DZANK1: variants seen among roughly 807,000 people sequenced by gnomAD.
DZANK1 encodes the protein double zinc ribbon and ankyrin repeat-containing protein 1.
A neutral mutation model predicts 94.5 loss-of-function variants in DZANK1; 91 were observed. The ratio of observed to expected loss-of-function variants is 0.96; its 90% CI spans 0.81 to 1.15. The LOEUF (loss-of-function observed/expected upper bound fraction) is 1.15. Ranked by LOEUF, DZANK1 falls within the 50% of genes most tolerant of loss-of-function variation. DZANK1 has a pLI of 0.00. For missense variants in DZANK1, 903 were observed against 916.4 expected, an observed-to-expected ratio of 0.99 and a Z score of 0.19; for synonymous variants, 312 against 325.3, an observed-to-expected ratio of 0.96 and a Z score of 0.44.
chr20:18,415,024 A>G (rs2057422323), intron 11 of DZANK1, among the ~76,000 whole-genome samples: 1 of 152,242 alleles, frequency 6.6e-6, no homozygotes, highest in Admixed American at 6.5e-5. Context: ...ATACTTAAAT[A>G]AATACATAGT....
chr20:18,431,654 C>T (rs777648569), intron 9 of DZANK1, among the ~76,000 whole-genome samples: 25 of 152,144 alleles, frequency 1.6e-4, no homozygotes, highest in Non-Finnish European at 1.5e-4. Context: ...CACTTCTCTC[C>T]AGCATCAGAG....
intron 13 of DZANK1, among the ~76,000 whole-genome samples, chr20:18,401,813 C>T (rs1401005467): frequency 2.0e-5 from 3 of 152,182 alleles, no homozygotes; most frequent in Non-Finnish European, 2.9e-5. Context: ...TTTCAGCTCT[C>T]GTAAGGCCTA....
chr20:18,464,544 A>G (rs2059578960), intron 2 of DZANK1, among the ~76,000 whole-genome samples: 1 of 152,180 alleles, frequency 6.6e-6, no homozygotes, highest in Admixed American at 6.5e-5. Context: ...CAAGGTCACT[A>G]GAAGTTGTCA....
intron 2 of DZANK1, 141 bp downstream of exon 2, chr20:18,465,109 T>C (rs1212186884): frequency 1.0e-5 from 6 of 584,886 alleles, no homozygotes; most frequent in Non-Finnish European, 1.8e-5. Context: ...CAGCACTGTT[T>C]CAAATTTTAG....
At chr20:18,385,923 G>T (rs979013198) in intron 19 of DZANK1, among the ~76,000 whole-genome samples, 1 of 152,224 alleles carries the variant, frequency 6.6e-6, no homozygotes, top group Non-Finnish European at 1.5e-5. Flanking sequence ...TTGACCTAGT[G>T]AGGGAGGAGT....
intron 13 of DZANK1, among the ~76,000 whole-genome samples, chr20:18,400,453 G>C (rs2148314536): frequency 6.6e-6 from 1 of 152,348 alleles, no homozygotes; most frequent in South Asian, 2.1e-4. Flanking sequence ...AACTCCCAGT[G>C]CTTCAGGGTT....
At chr20:18,412,904 T>C in intron 12 of DZANK1, 51 bp from the exon 13 acceptor site, 1 of 1,485,938 alleles carries the variant, frequency 6.7e-7, no homozygotes, top group South Asian at 1.2e-5. Flanking sequence ...ATTTAATCAA[T>C]CTTGCATTTT....
intron 8 of DZANK1, among the ~76,000 whole-genome samples, chr20:18,436,046 G>C (rs937598042): frequency 6.6e-6 from 1 of 152,068 alleles, no homozygotes; most frequent in Admixed American, 6.5e-5. Context: ...ACACTCAGAG[G>C]AAAAATAGTC....
Position 18,416,644 on chromosome 20 carries a change from C to G in DZANK1, c.955-1195G>C, listed in dbSNP as rs142829925. Among the ~76,000 whole-genome samples the G allele has an allele frequency of 1.7e-4, 26 of 152,198 alleles. No homozygotes were observed. The East Asian group carries it at 4.8e-3, about 28-fold the overall frequency. ...TTCACTCTATCTGCCCAGCTCTATC[C>G]CGTTTTGCTTCAGGGACCGCTCTGT... is the stretch of plus-strand genomic sequence containing the variant. On this transcript the variant is annotated intron_variant, in intron 10 of 20. Coordinates refer to ENST00000262547, the Ensembl canonical transcript of DZANK1.
At chr20:18,433,904 G>GACCT in intron 8 of DZANK1, 139 bp from the exon 9 acceptor site, 1 of 688,678 alleles carries the variant, frequency 1.5e-6, no homozygotes, top group Non-Finnish European at 2.4e-6. Flanking sequence ...TAGGCAGGTC[G>GACCT]GGCTTGGTTA....
At chr20:18,405,528 GACAGA>G (rs979800777) in intron 13 of DZANK1, among the ~76,000 whole-genome samples, 5 of 152,042 alleles carry the variant, frequency 3.3e-5, no homozygotes, top group African/African-American at 1.2e-4. Flanking sequence ...AGAGAAATGG[GACAGA>G]AAAAAATATT....
chr20:18,448,979 C>G lies in DZANK1; in HGVS notation c.629+5G>C, dbSNP rs370549414. On this transcript the variant is annotated splice_donor_5th_base_variant and intron_variant, in intron 7 of 20. Transcript: ENST00000262547. ...AAGGCAGAGTAAAGAGAATGTGATA[C>G]TTACTTGAGAAAGTCTGTCTCCCTT... 1.1e-5 allele frequency: 17 copies of G among 1,594,400 alleles called. No individual in the cohort carries two copies. The African/African-American group carries it at 2.0e-4, about 19-fold the overall frequency.
chr20:18,384,516 G>T lies in DZANK1; in HGVS notation c.2142C>A (p.Tyr714Ter). The stretch of plus-strand genomic sequence containing the variant: ...CATCTCCAGTGTTCAGAGCCAGGTC[G>T]TATGCTGTCTGGCCTCCTGCATTCT... Residue 714 changes from tyrosine (Y) to a stop codon, truncating the protein, a stop_gained, in exon 21 of 21, where the codon TAC (tyrosine) becomes TAA (stop). Coordinates refer to ENST00000262547, the Ensembl canonical transcript of DZANK1. LOFTEE classifies it high-confidence loss of function. The T allele has an allele frequency of 6.2e-7, 1 of 1,611,060 alleles. No individual in the cohort carries two copies. Among genetic ancestry groups the T allele is most frequent in the Non-Finnish European group, 8.5e-7 (1 of 1,178,778 alleles).
Position 18,465,376 on chromosome 20 carries a change from CTCTCTA to C in DZANK1, c.-19-5_-19del. 2.2e-6 allele frequency: 3 copies of C among 1,355,970 alleles called. No individual in the cohort carries two copies. Among genetic ancestry groups the C allele is most frequent in the Admixed American group, 4.5e-5 (2 of 44,860 alleles). The allele number at this position is 1,355,970 out of a possible 1,614,324, so 84.0% of individuals were successfully genotyped here. On this transcript the variant is annotated splice_acceptor_variant and splice_polypyrimidine_tract_variant and 5_prime_UTR_variant and intron_variant, in exon 2 of 21. Coordinates refer to ENST00000262547, the Ensembl canonical transcript of DZANK1. LOFTEE classifies it low-confidence loss of function (5UTR_SPLICE). ...GCAGTCATTTTCTCTCTCTCTCTCT[CTCTCTA>C]TATATATATACATATAAATTCCAAT... is the stretch of plus-strand genomic sequence containing the variant.
chr20:18,387,062 T>C (rs1013367729), intron 19 of DZANK1, among the ~76,000 whole-genome samples: 2 of 152,228 alleles, frequency 1.3e-5, no homozygotes, highest in African/African-American at 4.8e-5. Context: ...TCTTTCATCC[T>C]TTCTTCCTCA....
chr20:18,386,145 C>G (rs954209930), intron 19 of DZANK1, among the ~76,000 whole-genome samples: 1 of 152,152 alleles, frequency 6.6e-6, no homozygotes, highest in African/African-American at 2.4e-5. Flanking sequence ...GCATTGATCC[C>G]TATGGAGAAA....
chr20:18,394,259 C>A (rs749346582), exon 16 of DZANK1: 1 of 1,613,300 alleles, frequency 6.2e-7, no homozygotes, highest in Non-Finnish European at 8.5e-7. Flanking sequence ...CTCACCCCAG[C>A]TGGACCTGCT....
intron 10 of DZANK1, among the ~76,000 whole-genome samples, chr20:18,423,736 T>A (rs1469800265): frequency 1.3e-5 from 2 of 152,176 alleles, no homozygotes; most frequent in African/African-American, 4.8e-5. Flanking sequence ...AAGAAATCAC[T>A]GATAAATGAG....
At chr20:18,454,575 T>C (rs1189690458) in intron 4 of DZANK1, 1 of 157,168 alleles carries the variant, frequency 6.4e-6, no homozygotes, top group African/African-American at 2.4e-5. Flanking sequence ...CACACATCCT[T>C]CTCAGATGGA....
Sources: allele counts gnomAD v4.1 joint callset (sites outside exome capture counted in the v4.1 genomes callset), GRCh38; gene constraint gnomAD v4.1.1; transcripts MANE v1.5; gene names NCBI Gene and HGNC (gene_info 2026-07-23, HGNC 2026-07-21).